Variants in USH2A observed in about 807,000 individuals in gnomAD.
The protein encoded by USH2A is usherin, also known as Usher syndrome 2A (autosomal recessive, mild).
A neutral mutation model predicts 538.9 loss-of-function variants in USH2A; 443 were observed. That is an observed-to-expected ratio of 0.82 (90% CI 0.76 to 0.89). USH2A has a LOEUF of 0.89. Among genes scored for constraint, USH2A ranks in the 40% least tolerant of loss-of-function variants. The probability of loss-of-function intolerance (pLI) is 0.00; values close to 1 mark genes in which losing one functional copy is unlikely to be tolerated. For synonymous variants in USH2A, 2,413 were observed against 2,273.5 expected, an observed-to-expected ratio of 1.06 and a Z score of -1.75; for missense variants, 6,633 against 6,324.8, an observed-to-expected ratio of 1.05 and a Z score of -1.65.
chr1:216,230,475 A>G (rs1310002206), intron 14 of USH2A, among the ~76,000 whole-genome samples: 3 of 152,232 alleles, frequency 2.0e-5, no homozygotes, highest in Non-Finnish European at 4.4e-5. Context: ...AAATATATGC[A>G]TGTATGTCAA....
At chr1:215,854,563 G>A (rs1298070422) in intron 44 of USH2A, among the ~76,000 whole-genome samples, 1 of 152,172 alleles carries the variant, frequency 6.6e-6, no homozygotes, top group Non-Finnish European at 1.5e-5. Flanking sequence ...TCAGAGTGGA[G>A]GTTTAATAGG....
At chr1:216,336,430 TC>T (rs2102672100) in intron 4 of USH2A, among the ~76,000 whole-genome samples, 1 of 151,244 alleles carries the variant, frequency 6.6e-6, no homozygotes, top group African/African-American at 2.4e-5. Context: ...AAGAAATAAA[TC>T]TTTCCATATT....
intron 32 of USH2A, among the ~76,000 whole-genome samples, chr1:216,033,745 A>G (rs1382370261): frequency 6.6e-6 from 1 of 152,078 alleles, no homozygotes; most frequent in Non-Finnish European, 1.5e-5. Context: ...GGGAGGCAAG[A>G]GGATCATTTG....
intron 50 of USH2A, among the ~76,000 whole-genome samples, chr1:215,790,915 A>C (rs1661963258): frequency 6.6e-6 from 1 of 152,164 alleles, no homozygotes; most frequent in Admixed American, 6.5e-5. Context: ...ATCAGCCACT[A>C]TTTTTTGAGC....
chr1:216,325,717 T>A, intron 5 of USH2A, 118 bp from the exon 6 acceptor site: 1 of 1,006,112 alleles, frequency 9.9e-7, no homozygotes, highest in East Asian at 2.6e-5. Context: ...CATTTAGTTT[T>A]AATAATTTGA....
At chr1:216,182,053 A>C (rs1256221250) in intron 20 of USH2A, among the ~76,000 whole-genome samples, 1 of 152,102 alleles carries the variant, frequency 6.6e-6, no homozygotes, top group Non-Finnish European at 1.5e-5. Context: ...TTTTAATAGG[A>C]TACTTAGGCT....
At chr1:216,287,216 T>C (rs2036903077) in intron 11 of USH2A, among the ~76,000 whole-genome samples, 1 of 152,128 alleles carries the variant, frequency 6.6e-6, no homozygotes, top group African/African-American at 2.4e-5. Context: ...TCATAATAAT[T>C]GATGCAGAAA....
At chr1:215,902,099 T>C (rs1665517091) in intron 38 of USH2A, among the ~76,000 whole-genome samples, 1 of 152,184 alleles carries the variant, frequency 6.6e-6, no homozygotes, top group Non-Finnish European at 1.5e-5. Context: ...ATAATATACT[T>C]TGTTGGGAAC....
At chr1:216,153,149 T>G (rs185280011) in intron 21 of USH2A, among the ~76,000 whole-genome samples, 3 of 152,094 alleles carry the variant, frequency 2.0e-5, no homozygotes, top group Admixed American at 2.0e-4. Context: ...ACATTTACCA[T>G]CCTTCAGTTT....
intron 58 of USH2A, among the ~76,000 whole-genome samples, chr1:215,750,403 C>A (rs1356099305): frequency 6.6e-6 from 1 of 152,132 alleles, no homozygotes; most frequent in Non-Finnish European, 1.5e-5. Flanking sequence ...GGGTGTCCAG[C>A]ATCATGTTTT....
chr1:216,383,467 C>G (rs1444083841), intron 3 of USH2A, among the ~76,000 whole-genome samples: 1 of 152,074 alleles, frequency 6.6e-6, no homozygotes, highest in Admixed American at 6.6e-5. Flanking sequence ...TATTGTAATG[C>G]TTGAAATAAA....
chr1:215,902,827 T>C (rs1208515518), intron 38 of USH2A, among the ~76,000 whole-genome samples: 1 of 151,992 alleles, frequency 6.6e-6, no homozygotes, highest in Non-Finnish European at 1.5e-5. Flanking sequence ...TCTGGTTGTG[T>C]TTAAGGAACA....
At chr1:216,392,858 C>T (rs957062273) in intron 3 of USH2A, among the ~76,000 whole-genome samples, 4 of 152,058 alleles carry the variant, frequency 2.6e-5, no homozygotes, top group Non-Finnish European at 4.4e-5. Flanking sequence ...AAACCTTTTA[C>T]GATTTTTTAA....
In USH2A at chr1:216,058,612, C is replaced by T. The variant is rs542808905; in HGVS notation, c.6050-9965G>A. Among the ~76,000 whole-genome samples the T allele has an allele frequency of 2.4e-5, 3 of 127,134 alleles. 1 individual carries two copies. Among genetic ancestry groups the T allele is most frequent in the Non-Finnish European group, 5.1e-5 (3 of 58,530 alleles). 83.4% of individuals were successfully genotyped at this position (127,134 alleles called of 152,430 possible). ...TAGTTATTTATTAGTCTTACCCTAC[C>T]AACATATTTTTTTTCTATTGGGAAA... On this transcript the variant is annotated intron_variant, in intron 30 of 71. Coordinates refer to ENST00000307340, the MANE Select transcript of USH2A (RefSeq NM_206933.4).
At chr1:216,372,032 A>G (rs2038725501) in intron 3 of USH2A, among the ~76,000 whole-genome samples, 1 of 152,218 alleles carries the variant, frequency 6.6e-6, no homozygotes. Flanking sequence ...ACTTGAGGAA[A>G]TTATTCAGGG....
intron 4 of USH2A, among the ~76,000 whole-genome samples, chr1:216,331,340 A>G (rs1012014717): frequency 1.3e-5 from 2 of 152,134 alleles, no homozygotes; most frequent in African/African-American, 4.8e-5. Context: ...AATTATATAA[A>G]TTGATCAAGG....
chr1:215,696,024 C>T (rs542447481), intron 61 of USH2A, among the ~76,000 whole-genome samples: 2 of 152,224 alleles, frequency 1.3e-5, no homozygotes, highest in African/African-American at 4.8e-5. Context: ...GCTGGGATTA[C>T]AGGCATGACC....
chr1:215,700,758 G>T (rs1558060649), intron 61 of USH2A, among the ~76,000 whole-genome samples: 1 of 151,964 alleles, frequency 6.6e-6, no homozygotes, highest in Non-Finnish European at 1.5e-5. Flanking sequence ...CAAAAATCCA[G>T]CTCCTGGATT....
At chr1:216,187,928 T>C (rs2102652749) in intron 20 of USH2A, among the ~76,000 whole-genome samples, 1 of 152,144 alleles carries the variant, frequency 6.6e-6, no homozygotes, top group East Asian at 1.9e-4. Context: ...CCTGGCATTT[T>C]GGCTAACCAT....
Sources: allele counts gnomAD v4.1 joint callset (sites outside exome capture counted in the v4.1 genomes callset), GRCh38; gene constraint gnomAD v4.1.1; transcripts MANE v1.5; gene names NCBI Gene and HGNC (gene_info 2026-07-23, HGNC 2026-07-21).